The following ODAD3 variants were observed in gnomAD, a reference collection of about 807,000 sequenced individuals.
The protein encoded by ODAD3 is outer dynein arm-docking complex subunit 3.
Under a neutral mutation model 70.9 loss-of-function variants are expected in ODAD3, and 57 were observed. That is an observed-to-expected ratio of 0.80 (90% confidence interval 0.65 to 1.00). ODAD3 has a LOEUF of 1.00. ODAD3 is among the 50% of genes least tolerant of loss of function. The pLI is 0.00. For missense variants in ODAD3, 797 were observed against 763.9 expected (o/e 1.04, Z -0.51); for synonymous variants, 327 against 315.9 (o/e 1.04, Z -0.37).
In ODAD3 at chr19:11,426,868, C is replaced by G; in HGVS notation, c.612+5G>C. 9 of 1,610,010 alleles carry G rather than the reference C, an allele frequency of 5.6e-6. No individual in the cohort carries two copies. The highest frequency in any genetic ancestry group is 7.6e-6 in the Non-Finnish European group (9 of 1,177,462). ...CTCTGCCCTGCAGGCCTCACCCGCCCCTACCTTGGCCACCTCCGTGTGTCT... is the reference window on the plus strand; with the variant it reads ...CTCTGCCCTGCAGGCCTCACCCGCCGCTACCTTGGCCACCTCCGTGTGTCT... On this transcript the variant is annotated splice_donor_5th_base_variant and intron_variant, in intron 4 of 12. Transcript: ENST00000356392.
At chr19:11,421,886 CT>C in intron 10 of ODAD3, 54 bp from the exon 11 acceptor site, 1 of 1,561,336 alleles carries the variant, frequency 6.4e-7, no homozygotes, top group Non-Finnish European at 8.7e-7. Context: ...TCTTGGAAGG[CT>C]CCACCCAGGG....
At position 11,421,761 on chromosome 19, in the gene ODAD3, G is replaced by A. The variant is rs762638578; in HGVS notation, c.1506C>T (p.Leu502=). The change falls in exon 11 of 13, where the codon CTC becomes CTT. Residue 502 remains leucine (L), a synonymous_variant. Coordinates refer to ENST00000356392, the MANE Select transcript of ODAD3 (RefSeq NM_145045.5). ...GCAGTTTCAGCAGCTTTTCCTCCAC[G>A]AGGCCCAGCAGGTTTGGCACATAGT... is the stretch of plus-strand genomic sequence containing the variant. ...ADNYVPNLLG[L]VEEKLLKLQA... 8 of 1,613,404 alleles carry A rather than the reference G, an allele frequency of 5.0e-6. No individual in the cohort carries two copies. The highest frequency in any genetic ancestry group is 6.8e-6 in the Non-Finnish European group (8 of 1,179,990).
intron 3 of ODAD3, among the ~76,000 whole-genome samples, chr19:11,427,478 CTTTTCTTTTTT>C (rs1969408484): frequency 9.9e-6 from 1 of 100,962 alleles, no homozygotes; most frequent in Non-Finnish European, 1.9e-5. Flanking sequence ...TTTTTGTTTT[CTTTTCTTTTTT>C]TTTTTTTTTT....
At chr19:11,425,072 T>TAC (rs1555722166) in intron 7 of ODAD3, among the ~76,000 whole-genome samples, 4 of 108,424 alleles carry the variant, frequency 3.7e-5, no homozygotes, top group East Asian at 2.7e-4. Context: ...TGTATATATG[T>TAC]ATATGTGTAT....
rs1362184821 is a variant in ODAD3 at position 11,434,835 on chromosome 19, C to T, written c.182G>A (p.Gly61Asp). 2 of 1,614,200 alleles carry T rather than the reference C, an allele frequency of 1.2e-6. No individual in the cohort carries two copies. The highest frequency in any genetic ancestry group is 3.3e-4 in the Middle Eastern group (2 of 6,062). The change falls in exon 1 of 13, where the codon GGT becomes GAT. Residue 61 changes from glycine to aspartate, a missense_variant. Transcript: ENST00000356392. Reference protein sequence around the residue: ...GRSKGGSFHRGAGKPSVHSQV... With the variant: ...GRSKGGSFHRDAGKPSVHSQV... The stretch of plus-strand genomic sequence containing the variant: ...AGAGTGCACAGAGGGCTTCCCTGCA[C>T]CTCTGTGGAAGGATCCTCCCTTGGA...
intron 7 of ODAD3, 46 bp downstream of exon 7, chr19:11,426,098 C>T: frequency 1.3e-6 from 2 of 1,585,848 alleles, no homozygotes; most frequent in South Asian, 1.1e-5. Context: ...CTGGTTTGTG[C>T]TGGGCTGGGC....
At chr19:11,425,883 T>G (rs1000660211) in intron 7 of ODAD3, among the ~76,000 whole-genome samples, 1 of 144,048 alleles carries the variant, frequency 6.9e-6, no homozygotes, top group Non-Finnish European at 1.5e-5. Flanking sequence ...AAAGGATGGG[T>G]AGGGGGGTCA....
chr19:11,421,027 C>G, intron 12 of ODAD3, 80 bp from the exon 13 acceptor site: 3 of 1,579,340 alleles, frequency 1.9e-6, no homozygotes, highest in Admixed American at 1.7e-5. Context: ...TTTACCACCC[C>G]ACTCCACCCC....
chr19:11,425,515 A>ATATGTATATATGTATATATGTGTGTATG (rs1969333875), intron 7 of ODAD3, among the ~76,000 whole-genome samples: 13 of 129,856 alleles, frequency 1.0e-4, no homozygotes, highest in Admixed American at 5.3e-4. Flanking sequence ...ATGTGTGTAT[A>ATATGTATATATGTATATATGTGTGTATG]TATGTATATA....
Position 11,423,984 on chromosome 19 carries a change from C to T in ODAD3, c.1009G>A (p.Asp337Asn). ...TCCTCCTCCTTGGCATGCAGGCTGT[C>T]CTGGATGGTGTCGTCGGACTGTAGC... ...LLLQSDDTIQ[D>N]SLHAKEEELR... The change falls in exon 8 of 13, where the codon GAC becomes AAC. Residue 337 changes from aspartate to asparagine, a missense_variant. Physicochemically the swap from Asp to Asn is conservative, Grantham distance 23. Coordinates refer to ENST00000356392, the MANE Select transcript of ODAD3 (RefSeq NM_145045.5). 6.2e-7 allele frequency: 1 copy of T among 1,612,828 alleles called. No homozygotes were observed.
chr19:11,427,045 C>G lies in ODAD3; in HGVS notation c.445-5G>C. 1 of 1,573,362 alleles carries G rather than the reference C, an allele frequency of 6.4e-7. No homozygotes were observed. The highest frequency in any genetic ancestry group is 8.6e-7 in the Non-Finnish European group (1 of 1,164,984). On this transcript the variant is annotated splice_region_variant and splice_polypyrimidine_tract_variant and intron_variant, in intron 3 of 12. Coordinates refer to ENST00000356392, the MANE Select transcript of ODAD3 (RefSeq NM_145045.5). ...GTGGTCTAGGTGCTCCAGGGCCTGC[C>G]GCAAGGAGGGGAGCGAAAGCAGGAG...
chr19:11,426,754 T>C lies in ODAD3; in HGVS notation c.643A>G (p.Lys215Glu). The change falls in exon 5 of 13, where the codon AAG becomes GAG. Residue 215 changes from lysine to glutamate, a missense_variant. Transcript: ENST00000356392. ...GCCTCCTGCGCCTTCATCTGGGCCT[T>C]CTCCAGGCGGTTCTCCAGGTTCCGC... ...TMRNLENRLE[K>E]AQMKAQEAEH... 1 of 1,613,854 alleles carries C rather than the reference T, an allele frequency of 6.2e-7. No individual in the cohort carries two copies. The highest frequency in any genetic ancestry group is 1.3e-5 in the African/African-American group (1 of 74,978).
At chr19:11,421,646 T>C (rs1320260142) in intron 11 of ODAD3, 31 bp downstream of exon 11, 1 of 1,599,218 alleles carries the variant, frequency 6.3e-7, no homozygotes, top group Non-Finnish European at 8.5e-7. Flanking sequence ...CTCCTAGATC[T>C]CTGGAGCTCT....
intron 7 of ODAD3, among the ~76,000 whole-genome samples, chr19:11,424,635 A>G (rs1243132201): frequency 2.6e-5 from 3 of 116,654 alleles, no homozygotes; most frequent in Non-Finnish European, 4.8e-5. Flanking sequence ...ATATATGTAT[A>G]TATGTGTATA....
chr19:11,426,009 G>A, intron 7 of ODAD3, 135 bp downstream of exon 7: 1 of 1,209,296 alleles, frequency 8.3e-7, no homozygotes, highest in East Asian at 2.6e-5. Flanking sequence ...ACCAAGTGGG[G>A]GTGGAGTCAG....
upstream of ODAD3, chr19:11,435,766 G>T: frequency 1.4e-6 from 2 of 1,385,144 alleles, no homozygotes; most frequent in South Asian, 1.2e-5. Context: ...CAACCGGAGG[G>T]TGCATGTGTG....
rs1273094958 is a variant in ODAD3, at chr19:11,425,541, ATG to A, written c.963+601_963+602del. On this transcript the variant is annotated intron_variant, in intron 7 of 12. Transcript: ENST00000356392. ...TATGTATATATGTATATATGTGTGT[ATG>A]TATGTATATATGTATATATGTGTGT... is the stretch of plus-strand genomic sequence containing the variant. Among the ~76,000 whole-genome samples the A allele has an allele frequency of 2.2e-5, 3 of 139,454 alleles. No individual in the cohort carries two copies. In the East Asian group the frequency reaches 6.1e-4, roughly 28 times the overall value. 91.5% of individuals were successfully genotyped at this position (139,454 alleles called of 152,430 possible).
intron 7 of ODAD3, among the ~76,000 whole-genome samples, chr19:11,425,149 ATGTATATATACATATG>A (rs1210141665): frequency 0.016 from 1,943 of 117,794 alleles, 99 homozygotes; most frequent in Non-Finnish European, 0.023. Context: ...ATATGTACAT[ATGTATATATACATATG>A]TGTATATGTA....
At chr19:11,431,336 C>A in intron 1 of ODAD3, 2 of 297,848 alleles carry the variant, frequency 6.7e-6, no homozygotes, top group Non-Finnish European at 1.3e-5. Flanking sequence ...GTCTCGAACT[C>A]CTGACCTCAG....
Sources: gnomAD v4.1 joint callset for allele counts (sites outside exome capture counted in the v4.1 genomes callset) on GRCh38, gnomAD v4.1.1 for gene constraint, MANE v1.5 for transcripts, NCBI Gene and HGNC (gene_info 2026-07-23, HGNC 2026-07-21) for gene names.